ADGRB3: variants seen among roughly 807,000 people sequenced by gnomAD.
ADGRB3 encodes brain-specific angiogenesis inhibitor 3.
ADGRB3 carries 37 observed loss-of-function variants against 193.4 expected under a neutral mutation model. The ratio of observed to expected loss-of-function variants is 0.19; its 90% CI spans 0.15 to 0.25. The LOEUF (loss-of-function observed/expected upper bound fraction) is 0.25. Ranked by LOEUF, ADGRB3 falls within the 10% of genes least tolerant of loss-of-function variation. ADGRB3 has a pLI of 1.00. For missense variants in ADGRB3, 1,637 were observed against 1,852.9 expected, an observed-to-expected ratio of 0.88 and a Z score of 2.14; for synonymous variants, 690 against 644.2, an observed-to-expected ratio of 1.07 and a Z score of -1.08.
chr6:68,645,557 C>T (rs10945134), intron 3 of ADGRB3, among the ~76,000 whole-genome samples: 40,260 of 152,128 alleles, frequency 0.26, 6,367 homozygotes, highest in Non-Finnish European at 0.36. Context: ...TGACAAGTGA[C>T]TGAGCTTGAC....
rs534529432 is a variant in ADGRB3 at position 68,654,943 on chromosome 6, A to C, written c.757+15511A>C. ...TTTATTTAGGATTGAAGAGTAAATCATTTGCCAAGTAGGTTTCTAAAAGTG... is the reference window on the plus strand; with the variant it reads ...TTTATTTAGGATTGAAGAGTAAATCCTTTGCCAAGTAGGTTTCTAAAAGTG... On this transcript the variant is annotated intron_variant, in intron 3 of 31. Coordinates refer to ENST00000370598, the MANE Select transcript of ADGRB3 (RefSeq NM_001704.3). Among the ~76,000 whole-genome samples the C allele has an allele frequency of 4.6e-5, 7 of 151,808 alleles. No individual in the cohort carries two copies. The South Asian group carries it at 1.5e-3, about 31-fold the overall frequency.
chr6:68,656,804 C>G (rs190258839), intron 3 of ADGRB3, among the ~76,000 whole-genome samples: 90 of 151,648 alleles, frequency 5.9e-4, no homozygotes, highest in African/African-American at 2.1e-3. Context: ...ACTAGTATGA[C>G]CTTTGGCAGT....
chr6:68,717,665 G>A (rs998567559), intron 3 of ADGRB3, among the ~76,000 whole-genome samples: 5 of 151,272 alleles, frequency 3.3e-5, no homozygotes, highest in East Asian at 1.9e-4. Context: ...CATATCACTA[G>A]CCATATTTAA....
intron 11 of ADGRB3, among the ~76,000 whole-genome samples, chr6:69,008,300 TAGAAC>T (rs1249361616): frequency 6.6e-6 from 1 of 152,134 alleles, no homozygotes; most frequent in Non-Finnish European, 1.5e-5. Flanking sequence ...TCACAGCACT[TAGAAC>T]AGAACAGCCA....
chr6:68,700,742 G>A (rs2127308441), intron 3 of ADGRB3, among the ~76,000 whole-genome samples: 1 of 147,220 alleles, frequency 6.8e-6, no homozygotes, highest in Non-Finnish European at 1.5e-5. Context: ...AACACCGCAT[G>A]TTCTCACTCA....
At chr6:68,759,627 T>C (rs187148526) in intron 3 of ADGRB3, among the ~76,000 whole-genome samples, 1 of 152,202 alleles carries the variant, frequency 6.6e-6, no homozygotes, top group African/African-American at 2.4e-5. Context: ...CATGTATTCT[T>C]CATATCAAAT....
chr6:68,976,761 G>A (rs1768760874), intron 10 of ADGRB3, among the ~76,000 whole-genome samples: 1 of 151,994 alleles, frequency 6.6e-6, no homozygotes, highest in Non-Finnish European at 1.5e-5. Context: ...GAAAGAGGAG[G>A]GGTTGGTCTT....
chr6:68,654,647 CTA>C (rs1243025142), intron 3 of ADGRB3, among the ~76,000 whole-genome samples: 12 of 151,734 alleles, frequency 7.9e-5, no homozygotes, highest in Admixed American at 5.9e-4. Flanking sequence ...CACAAGCAGT[CTA>C]TGCATATATT....
chr6:69,283,649 A>G (rs181725445), intron 20 of ADGRB3, among the ~76,000 whole-genome samples: 221 of 152,276 alleles, frequency 1.5e-3, no homozygotes, highest in Non-Finnish European at 2.6e-3. Context: ...TATGGAAAAA[A>G]AAAAGCCATA....
intron 10 of ADGRB3, among the ~76,000 whole-genome samples, chr6:68,981,575 A>G (rs1768909904): frequency 6.6e-6 from 1 of 151,636 alleles, no homozygotes; most frequent in Admixed American, 6.6e-5. Context: ...TTCTATAAGA[A>G]CAAGATAGTA....
chr6:69,209,358 C>T (rs1765606738), intron 17 of ADGRB3, among the ~76,000 whole-genome samples: 1 of 152,176 alleles, frequency 6.6e-6, no homozygotes. Context: ...TTATCCTTCA[C>T]CTTAGAAGGA....
chr6:68,683,432 C>G (rs1764930708), intron 3 of ADGRB3, among the ~76,000 whole-genome samples: 2 of 152,096 alleles, frequency 1.3e-5, no homozygotes, highest in East Asian at 3.9e-4. Context: ...TTGTTTGCAT[C>G]ATTATTATTA....
intron 3 of ADGRB3, among the ~76,000 whole-genome samples, chr6:68,728,208 A>G (rs1320429867): frequency 6.6e-6 from 1 of 151,452 alleles, no homozygotes; most frequent in Non-Finnish European, 1.5e-5. Context: ...TTTAAAGTGC[A>G]TTTGATTTCT....
chr6:68,922,179 A>G (rs1184207632), intron 3 of ADGRB3, among the ~76,000 whole-genome samples: 7 of 152,176 alleles, frequency 4.6e-5, no homozygotes, highest in African/African-American at 7.2e-5. Context: ...TTTGTCTGCT[A>G]TGTTCACAGC....
At position 69,371,802 on chromosome 6, in the gene ADGRB3, G is replaced by A. The variant is rs574078861; in HGVS notation, c.4240-604G>A. Reference sequence around the variant, plus strand: ...ATACATCTACATTTTACTGGGGTGCGGAATAGTTTGTTTTGCTGAACTAGA... The same window carrying A: ...ATACATCTACATTTTACTGGGGTGCAGAATAGTTTGTTTTGCTGAACTAGA... On this transcript the variant is annotated intron_variant, in intron 29 of 31. Coordinates refer to ENST00000370598, the MANE Select transcript of ADGRB3 (RefSeq NM_001704.3). Among the ~76,000 whole-genome samples the A allele has an allele frequency of 1.1e-4, 16 of 152,108 alleles. No individual in the cohort carries two copies. In the South Asian group the frequency reaches 2.7e-3, roughly 26 times the overall value.
chr6:69,183,599 C>T (rs1041731945), intron 17 of ADGRB3, among the ~76,000 whole-genome samples: 6 of 152,074 alleles, frequency 3.9e-5, no homozygotes, highest in Non-Finnish European at 7.4e-5. Flanking sequence ...ATTCTCAGAA[C>T]ACATGGCCAG....
At chr6:68,815,638 T>TGTGTGTGTGTGTGG (rs146536913) in intron 3 of ADGRB3, among the ~76,000 whole-genome samples, 24 of 149,520 alleles carry the variant, frequency 1.6e-4, no homozygotes, top group South Asian at 6.4e-4. Flanking sequence ...TGTGTGTGTG[T>TGTGTGTGTGTGTGG]GTGCATGTAG....
chr6:69,265,732 CTA>C (rs1358516345), intron 20 of ADGRB3, among the ~76,000 whole-genome samples: 2 of 151,962 alleles, frequency 1.3e-5, no homozygotes, highest in African/African-American at 4.8e-5. Flanking sequence ...CACTTTGTTT[CTA>C]TCTTTCTATT....
chr6:68,785,727 G>A (rs963765642), intron 3 of ADGRB3, among the ~76,000 whole-genome samples: 9 of 151,962 alleles, frequency 5.9e-5, no homozygotes, highest in Non-Finnish European at 1.0e-4. Context: ...CTGAGAAATC[G>A]CCACACCAAC....
Sources: gnomAD v4.1 joint callset for allele counts (sites outside exome capture counted in the v4.1 genomes callset) on GRCh38, gnomAD v4.1.1 for gene constraint, MANE v1.5 for transcripts, NCBI Gene and HGNC (gene_info 2026-07-23, HGNC 2026-07-21) for gene names.